Variants in DNAH6 observed in about 807,000 individuals in gnomAD.
The protein encoded by DNAH6 is dynein axonemal heavy chain 6, also known as axonemal beta dynein heavy chain 6.
Under a neutral mutation model 491.4 loss-of-function variants are expected in DNAH6, and 340 were observed. The ratio of observed to expected loss-of-function variants is 0.69; its 90% CI spans 0.63 to 0.76. The LOEUF is 0.76. Ranked by LOEUF, DNAH6 falls within the 30% of genes least tolerant of loss-of-function variation. DNAH6 has a pLI of 0.00. For synonymous variants in DNAH6, 1,603 were observed against 1,686.1 expected, an observed-to-expected ratio of 0.95 and a Z score of 1.21; for missense variants, 4,443 against 4,972.2, an observed-to-expected ratio of 0.89 and a Z score of 3.20.
intron 62 of DNAH6, among the ~76,000 whole-genome samples, chr2:84,739,950 CTG>C (rs1672353121): frequency 6.6e-6 from 1 of 151,412 alleles, no homozygotes; most frequent in African/African-American, 2.4e-5. Context: ...ATGAAACACT[CTG>C]TCTTTTTGTA....
In DNAH6 at chr2:84,589,088, G is replaced by A. The variant is rs1300157676; in HGVS notation, c.2610+134G>A. The A allele has an allele frequency of 6.5e-6, 5 of 766,900 alleles. No homozygotes were observed. In the East Asian group the frequency reaches 1.6e-4, roughly 25 times the overall value. The allele number at this position is 766,900 out of a possible 1,614,324, so 47.5% of individuals were successfully genotyped here. ...TGTGCTAGTCAGCATGCTACAAATA[G>A]TCTCAAATACAAAATATGATATGTT... On this transcript the variant is annotated intron_variant, in intron 16 of 76. Transcript: ENST00000389394.
chr2:84,479,245 T>A, the DNAH6 span, among the ~76,000 whole-genome samples: 1 of 152,182 alleles, frequency 6.6e-6, no homozygotes, highest in South Asian at 2.1e-4. Context: ...AAAACAGGGA[T>A]GTATGGTCTC....
chr2:84,801,191 A>C (rs1678868540), intron 70 of DNAH6, among the ~76,000 whole-genome samples: 1 of 151,264 alleles, frequency 6.6e-6, no homozygotes, highest in South Asian at 2.1e-4. Flanking sequence ...GCACATGTAT[A>C]CATATGCAAC....
intron 56 of DNAH6, among the ~76,000 whole-genome samples, chr2:84,711,274 G>A (rs921733148): frequency 1.3e-5 from 2 of 152,184 alleles, no homozygotes; most frequent in African/African-American, 4.8e-5. Flanking sequence ...GGCTTCCCCA[G>A]CAAAGGGAAC....
the DNAH6 span, among the ~76,000 whole-genome samples, chr2:84,465,208 C>T: frequency 4.6e-5 from 7 of 152,132 alleles, no homozygotes; most frequent in African/African-American, 1.7e-4. Context: ...TTTAAGAAAA[C>T]ATTCAGGCTG....
chr2:84,781,358 C>G (rs1316414251), intron 64 of DNAH6, 135 bp from the exon 65 acceptor site: 4 of 787,324 alleles, frequency 5.1e-6, no homozygotes, highest in Non-Finnish European at 7.7e-6. Flanking sequence ...GGAAAACATA[C>G]TTGTACTCCT....
At chr2:84,715,163 T>C (rs974888351) in intron 57 of DNAH6, among the ~76,000 whole-genome samples, 2 of 152,164 alleles carry the variant, frequency 1.3e-5, no homozygotes, top group African/African-American at 4.8e-5. Flanking sequence ...ACTATAATTA[T>C]CCAAATTTTT....
intron 68 of DNAH6, among the ~76,000 whole-genome samples, chr2:84,792,984 T>C (rs1388561485): frequency 2.0e-5 from 3 of 152,182 alleles, no homozygotes; most frequent in Admixed American, 2.0e-4. Context: ...AGGAGTGGTA[T>C]TGGGGGTGGA....
At chr2:84,667,887 C>T (rs966601169) in intron 37 of DNAH6, among the ~76,000 whole-genome samples, 1 of 152,202 alleles carries the variant, frequency 6.6e-6, no homozygotes, top group African/African-American at 2.4e-5. Context: ...GGCACATATA[C>T]ACCATGGAAT....
chr2:84,645,851 C>T (rs939769139), intron 33 of DNAH6, among the ~76,000 whole-genome samples: 2 of 152,162 alleles, frequency 1.3e-5, no homozygotes, highest in African/African-American at 4.8e-5. Context: ...TTATCAATTA[C>T]AGCTCACATT....
At chr2:84,571,301 T>G (rs530462507) in intron 11 of DNAH6, among the ~76,000 whole-genome samples, 3 of 152,226 alleles carry the variant, frequency 2.0e-5, no homozygotes, top group Admixed American at 1.3e-4. Flanking sequence ...TAATAAGAAA[T>G]GGGTTATTTA....
At chr2:84,757,189 C>T (rs1377844936) in intron 63 of DNAH6, among the ~76,000 whole-genome samples, 3 of 152,164 alleles carry the variant, frequency 2.0e-5, no homozygotes, top group Non-Finnish European at 4.4e-5. Context: ...AAAAGAGGCA[C>T]AGGGAGAAGT....
intron 29 of DNAH6, among the ~76,000 whole-genome samples, chr2:84,627,436 T>C (rs1325519363): frequency 6.6e-6 from 1 of 152,212 alleles, no homozygotes; most frequent in Non-Finnish European, 1.5e-5. Flanking sequence ...GAATTATAGG[T>C]TTAAAATGAT....
At chr2:84,507,895 C>A in the DNAH6 span, among the ~76,000 whole-genome samples, 1 of 152,184 alleles carries the variant, frequency 6.6e-6, no homozygotes, top group African/African-American at 2.4e-5. Context: ...TCTGAACTAG[C>A]CTTGCATCCC....
chr2:84,720,374 G>A (rs999002770), intron 59 of DNAH6, among the ~76,000 whole-genome samples: 14 of 138,002 alleles, frequency 1.0e-4, no homozygotes, highest in African/African-American at 3.0e-4. Flanking sequence ...CGCCTCCCGG[G>A]TTCACGCCAT....
chr2:84,696,136 A>G (rs1466617907), intron 46 of DNAH6, among the ~76,000 whole-genome samples: 3 of 151,894 alleles, frequency 2.0e-5, no homozygotes, highest in African/African-American at 7.2e-5. Context: ...TTTACATAAT[A>G]TAATTTCTAA....
chr2:84,651,428 A>C (rs1407862355), intron 33 of DNAH6, among the ~76,000 whole-genome samples: 1 of 152,102 alleles, frequency 6.6e-6, no homozygotes, highest in East Asian at 1.9e-4. Flanking sequence ...TGGGCTCCGC[A>C]CTCAGTGTCT....
intron 61 of DNAH6, among the ~76,000 whole-genome samples, chr2:84,730,157 A>C (rs1195069545): frequency 9.2e-5 from 14 of 152,200 alleles, no homozygotes; most frequent in Non-Finnish European, 2.9e-5. Flanking sequence ...TAAGCAAAAC[A>C]CAGATTTCTA....
chr2:84,511,866 A>G (rs1157130737), upstream of DNAH6, among the ~76,000 whole-genome samples: 1 of 152,172 alleles, frequency 6.6e-6, no homozygotes, highest in Non-Finnish European at 1.5e-5. Context: ...CCTGTGATGA[A>G]TCATACTTAC....
Sources: allele counts gnomAD v4.1 joint callset (sites outside exome capture counted in the v4.1 genomes callset), GRCh38; gene constraint gnomAD v4.1.1; transcripts MANE v1.5; gene names NCBI Gene and HGNC (gene_info 2026-07-23, HGNC 2026-07-21).